Variants in PDE11A observed in about 807,000 individuals in gnomAD.
PDE11A encodes phosphodiesterase 11A.
A neutral mutation model predicts 100.5 loss-of-function variants in PDE11A; 100 were observed. The observed-to-expected ratio is 1.00, with a 90% CI of 0.85 to 1.18. The LOEUF (loss-of-function observed/expected upper bound fraction) is 1.18. Among genes scored for constraint, PDE11A ranks in the 50% most tolerant of loss-of-function variants. The pLI is 0.00. For synonymous variants in PDE11A, 381 were observed against 420.8 expected (o/e 0.91, Z 1.16); for missense variants, 1,141 against 1,152.6 (o/e 0.99, Z 0.15).
intron 6 of PDE11A, among the ~76,000 whole-genome samples, chr2:177,836,857 C>T (rs1387286101): frequency 2.0e-5 from 3 of 152,074 alleles, no homozygotes; most frequent in African/African-American, 4.8e-5. Flanking sequence ...CTGAAGCCAG[C>T]GAGACCATGA....
At chr2:177,853,705 TGTGTGTGTTTG>T in intron 5 of PDE11A, among the ~76,000 whole-genome samples, 1 of 35,564 alleles carries the variant, frequency 2.8e-5, no homozygotes, top group Non-Finnish European at 6.0e-5. Context: ...TGTGTGTGTG[TGTGTGTGTTTG>T]TGTGTGTGTG....
intron 2 of PDE11A, among the ~76,000 whole-genome samples, chr2:177,918,645 C>T (rs1273577887): frequency 6.6e-6 from 1 of 152,118 alleles, no homozygotes; most frequent in Non-Finnish European, 1.5e-5. Context: ...AATAGAGTCA[C>T]AGCTACAGAA....
chr2:178,072,145 A>C lies in PDE11A; in HGVS notation c.293T>G (p.Leu98Trp), dbSNP rs1490934337. The change falls in exon 1 of 20, where the codon TTG becomes TGG. Residue 98 changes from leucine (L) to tryptophan (W), a missense_variant. Transcript: ENST00000286063. ...PGGGDCGGVP[L>W]SPSWAGGSRG... ...GCTGCCACCGGCCCAGCTGGGACTC[A>C]AGGGAACCCCACCACAGTCCCCGCC... 2 of 1,613,758 alleles carry C rather than the reference A, an allele frequency of 1.2e-6. No homozygotes were observed. Among genetic ancestry groups the C allele is most frequent in the African/African-American group, 2.7e-5 (2 of 75,024 alleles).
intron 5 of PDE11A, among the ~76,000 whole-genome samples, chr2:177,866,205 G>C (rs1467572537): frequency 6.6e-6 from 1 of 152,040 alleles, no homozygotes; most frequent in Non-Finnish European, 1.5e-5. Context: ...TCATCAGGAA[G>C]TATAGCTGAT....
chr2:177,858,718 C>A (rs1243751677), intron 5 of PDE11A, among the ~76,000 whole-genome samples: 1 of 152,118 alleles, frequency 6.6e-6, no homozygotes, highest in African/African-American at 2.4e-5. Context: ...ACTAGAAATA[C>A]CATTTGACCC....
Position 177,871,845 on chromosome 2 carries a change from A to C in PDE11A, c.1367+4014T>G, listed in dbSNP as rs372177325. 1.4e-4 allele frequency among the ~76,000 whole-genome samples: 22 copies of C among 152,252 alleles called. No individual in the cohort carries two copies. In the East Asian group the frequency reaches 3.1e-3, roughly 21 times the overall value. Reference sequence around the variant, plus strand: ...CACTGCACTCTTGCCTGGGCAACAGAGTGAGACCCTGTCTCTAAAAAAAGA... The same window carrying C: ...CACTGCACTCTTGCCTGGGCAACAGCGTGAGACCCTGTCTCTAAAAAAAGA... On this transcript the variant is annotated intron_variant, in intron 5 of 19. Transcript: ENST00000286063.
At chr2:177,930,979 T>C (rs1252472852) in intron 2 of PDE11A, among the ~76,000 whole-genome samples, 2 of 152,224 alleles carry the variant, frequency 1.3e-5, no homozygotes, top group Non-Finnish European at 2.9e-5. Flanking sequence ...TCACCTCCCC[T>C]TGGGACTCAC....
At chr2:177,700,067 C>T (rs1181525316) in intron 14 of PDE11A, among the ~76,000 whole-genome samples, 6 of 152,192 alleles carry the variant, frequency 3.9e-5, no homozygotes, top group African/African-American at 1.4e-4. Flanking sequence ...GGCAATTCCA[C>T]AGCCACAGAG....
At chr2:177,641,309 T>C (rs2080138178) in intron 19 of PDE11A, among the ~76,000 whole-genome samples, 2 of 151,502 alleles carry the variant, frequency 1.3e-5, no homozygotes, top group South Asian at 2.1e-4. Flanking sequence ...TAAAGACTGA[T>C]GGAAAACTTG....
At chr2:177,698,106 C>T (rs2081142357) in intron 14 of PDE11A, among the ~76,000 whole-genome samples, 1 of 152,146 alleles carries the variant, frequency 6.6e-6, no homozygotes, top group South Asian at 2.1e-4. Context: ...GCGGAGGAAC[C>T]GTGCCTCCCA....
intron 1 of PDE11A, among the ~76,000 whole-genome samples, chr2:178,022,530 T>G (rs937609501): frequency 3.3e-5 from 5 of 152,134 alleles, no homozygotes; most frequent in African/African-American, 1.2e-4. Context: ...AAGTAAAAAT[T>G]GTCTAGGTAA....
chr2:177,701,585 A>G (rs1018560680), intron 13 of PDE11A, among the ~76,000 whole-genome samples: 4 of 152,224 alleles, frequency 2.6e-5, no homozygotes, highest in African/African-American at 7.2e-5. Context: ...TCCAGGTCCA[A>G]TCGAAGTGCT....
chr2:177,704,363 C>A (rs1247812937), intron 13 of PDE11A, among the ~76,000 whole-genome samples: 1 of 151,694 alleles, frequency 6.6e-6, no homozygotes, highest in Non-Finnish European at 1.5e-5. Flanking sequence ...TAAAGTAAAA[C>A]CATCTAAGCA....
At chr2:177,886,783 C>T (rs1361258080) in intron 4 of PDE11A, among the ~76,000 whole-genome samples, 7 of 151,692 alleles carry the variant, frequency 4.6e-5, no homozygotes, top group Non-Finnish European at 8.8e-5. Flanking sequence ...CTGATCTTTT[C>T]CAAAAACAGA....
intron 2 of PDE11A, among the ~76,000 whole-genome samples, chr2:177,945,300 G>T (rs1244044871): frequency 2.0e-5 from 3 of 148,264 alleles, no homozygotes; most frequent in African/African-American, 7.4e-5. Context: ...GATGTGAGGA[G>T]CCCCTCTGCC....
chr2:177,640,016 A>C (rs1459713906), intron 19 of PDE11A, among the ~76,000 whole-genome samples: 1 of 152,254 alleles, frequency 6.6e-6, no homozygotes, highest in Non-Finnish European at 1.5e-5. Flanking sequence ...TTATTAAGAA[A>C]AAAAAGGACA....
chr2:177,663,880 T>G lies in PDE11A; in HGVS notation c.2632A>C (p.Met878Leu), dbSNP rs74357545. 274 of 1,589,854 alleles carry G rather than the reference T, an allele frequency of 1.7e-4. 3 individuals are homozygous for G. In the African/African-American group the frequency reaches 3.4e-3, roughly 20 times the overall value. The change falls in exon 19 of 20, where the codon ATG (methionine) becomes CTG (leucine). Residue 878 changes from methionine (M) to leucine (L), a missense_variant. Transcript: ENST00000286063. ...AATCAAAGTACCTGATACAAAGGCA[T>G]GCAGATGCTATCAATCCACTCCAGT... ...LQLEWIDSIC[M>L]PLYQALVKVN...
intron 2 of PDE11A, among the ~76,000 whole-genome samples, chr2:177,985,916 A>C (rs185486910): frequency 6.6e-6 from 1 of 152,360 alleles, no homozygotes; most frequent in Admixed American, 6.5e-5. Flanking sequence ...ACATAAGCCA[A>C]AGTGATCTTT....
intron 19 of PDE11A, among the ~76,000 whole-genome samples, chr2:177,635,651 T>C (rs1379585872): frequency 1.3e-5 from 2 of 152,188 alleles, no homozygotes; most frequent in African/African-American, 2.4e-5. Context: ...TTCTACTATT[T>C]CCCAGACACT....
Sources: allele counts gnomAD v4.1 joint callset (sites outside exome capture counted in the v4.1 genomes callset), GRCh38; gene constraint gnomAD v4.1.1; transcripts MANE v1.5; gene names NCBI Gene and HGNC (gene_info 2026-07-23, HGNC 2026-07-21).